The following COL22A1 variants were observed in gnomAD, a reference collection of about 807,000 sequenced individuals.
COL22A1 encodes the protein collagen alpha-1(XXII) chain.
A neutral mutation model predicts 248.9 loss-of-function variants in COL22A1; 221 were observed. That is an observed-to-expected ratio of 0.89 (90% CI 0.80 to 0.99). The LOEUF (loss-of-function observed/expected upper bound fraction) is 0.99. Ranked by LOEUF, COL22A1 falls within the 50% of genes least tolerant of loss-of-function variation. COL22A1 has a pLI of 0.00. For missense variants in COL22A1, 2,240 were observed against 2,179.0 expected (o/e 1.03, Z -0.56); for synonymous variants, 891 against 793.4 (o/e 1.12, Z -2.07).
chr8:138,912,875 G>T (rs1354850438), intron 1 of COL22A1, among the ~76,000 whole-genome samples: 1 of 152,228 alleles, frequency 6.6e-6, no homozygotes, highest in African/African-American at 2.4e-5. Flanking sequence ...TTCTGCAGAT[G>T]GTTGATAAGC....
chr8:138,702,038 A>G (rs1332024131), intron 31 of COL22A1, among the ~76,000 whole-genome samples: 3 of 152,238 alleles, frequency 2.0e-5, no homozygotes, highest in Non-Finnish European at 4.4e-5. Flanking sequence ...TACAATGTAC[A>G]TCCTTATACA....
At chr8:138,686,449 A>T (rs1826360735) in intron 37 of COL22A1, among the ~76,000 whole-genome samples, 2 of 152,188 alleles carry the variant, frequency 1.3e-5, no homozygotes, top group African/African-American at 4.8e-5. Context: ...GATGGAGCAG[A>T]GGTAAGGTAA....
intron 1 of COL22A1, among the ~76,000 whole-genome samples, chr8:138,887,589 G>A (rs1361974767): frequency 6.6e-6 from 1 of 152,104 alleles, no homozygotes; most frequent in African/African-American, 2.4e-5. Flanking sequence ...CACCATTATT[G>A]GCTACCTAGA....
chr8:138,801,364 C>T (rs919725192), intron 11 of COL22A1, among the ~76,000 whole-genome samples: 7 of 152,100 alleles, frequency 4.6e-5, no homozygotes, highest in Non-Finnish European at 8.8e-5. Flanking sequence ...ATAGGATGCA[C>T]GTGCCAAGAG....
chr8:138,879,853 A>AAAAC lies in COL22A1; in HGVS notation c.92-1541_92-1538dup, dbSNP rs747643142. 1.5e-3 allele frequency among the ~76,000 whole-genome samples: 229 copies of AAAAC among 151,980 alleles called. 1 individual carries two copies. The highest frequency in any genetic ancestry group is 2.8e-3 in the Non-Finnish European group (192 of 67,946). On this transcript the variant is annotated intron_variant, in intron 2 of 64. Coordinates refer to ENST00000303045, the MANE Select transcript of COL22A1 (RefSeq NM_152888.3). ...ATTTGGCTATAAAACAAAACAAAAC[A>AAAAC]AAACAAAAAAACACTTTGTTGAAAT...
chr8:138,623,777 T>C lies in COL22A1; in HGVS notation c.3726A>G (p.Glu1242=). ...PSGLPGIPGE[E]GKEGRDGKPG... Reference sequence around the variant, plus strand: ...GCTTTCCATCTCTGCCCTCTTTGCCTTCTTCTCCCTGCAAGAGAAACTCAA... The same window carrying C: ...GCTTTCCATCTCTGCCCTCTTTGCCCTCTTCTCCCTGCAAGAGAAACTCAA... Residue 1242 remains glutamate, a synonymous_variant, in exon 52 of 65, where the codon GAA becomes GAG. Coordinates refer to ENST00000303045, the MANE Select transcript of COL22A1 (RefSeq NM_152888.3). 6.2e-7 allele frequency: 1 copy of C among 1,612,866 alleles called. No homozygotes were observed. The highest frequency in any genetic ancestry group is 1.3e-5 in the African/African-American group (1 of 74,950).
intron 54 of COL22A1, 139 bp from the exon 55 acceptor site, chr8:138,616,193 T>G (rs1371060081): frequency 2.8e-6 from 2 of 726,800 alleles, no homozygotes; most frequent in East Asian, 5.1e-5. Flanking sequence ...GCCCCAGCCC[T>G]GAGTTGAGGT....
rs111699757 is a variant in COL22A1 at position 138,877,723 on chromosome 8, G to T, written c.658+27C>A. ...AGCAGGGGGCGTCACTCTTGGGAGG[G>T]GCCGCATGGGGCCCGGGCGCACTCA... is the stretch of plus-strand genomic sequence containing the variant. On this transcript the variant is annotated intron_variant, in intron 3 of 64. Transcript: ENST00000303045. 1,203 of 1,545,118 alleles carry T rather than the reference G, an allele frequency of 7.8e-4. 7 individuals carry two copies. The African/African-American group carries it at 0.014, about 18-fold the overall frequency.
intron 35 of COL22A1, among the ~76,000 whole-genome samples, chr8:138,693,337 G>A (rs1490941964): frequency 2.6e-5 from 4 of 152,222 alleles, no homozygotes; most frequent in African/African-American, 9.6e-5. Context: ...GGTTGTGCAT[G>A]TAAGCACACT....
chr8:138,742,376 A>AGTGATCGTGATGG (rs1831670214), intron 22 of COL22A1, among the ~76,000 whole-genome samples: 2 of 135,644 alleles, frequency 1.5e-5, no homozygotes, highest in Admixed American at 1.4e-4. Context: ...GATGGTGATG[A>AGTGATCGTGATGG]TGATGGTAGA....
intron 4 of COL22A1, among the ~76,000 whole-genome samples, chr8:138,836,674 C>T (rs964104105): frequency 6.6e-5 from 10 of 152,204 alleles, no homozygotes; most frequent in African/African-American, 2.4e-4. Context: ...CATCTGTAAA[C>T]TGGGATAATG....
At chr8:138,652,203 A>G (rs1822799397) in intron 45 of COL22A1, among the ~76,000 whole-genome samples, 2 of 152,208 alleles carry the variant, frequency 1.3e-5, no homozygotes, top group Admixed American at 1.3e-4. Flanking sequence ...TTGAAACTGG[A>G]TAGGGTTGTG....
chr8:138,600,887 C>A (rs898153567), intron 60 of COL22A1, among the ~76,000 whole-genome samples: 20 of 152,158 alleles, frequency 1.3e-4, no homozygotes, highest in African/African-American at 4.1e-4. Context: ...CTATCTCATG[C>A]ATGGTACAGA....
At chr8:138,677,241 GTTCC>G (rs1029531208) in intron 40 of COL22A1, among the ~76,000 whole-genome samples, 21 of 152,336 alleles carry the variant, frequency 1.4e-4, no homozygotes, top group African/African-American at 4.8e-4. Context: ...AAAGTGATGA[GTTCC>G]TATGCTCTAG....
Position 138,685,312 on chromosome 8 carries a change from C to T in COL22A1, c.2863G>A (p.Gly955Ser). The change falls in exon 38 of 65, where the codon GGT becomes AGT. Residue 955 changes from glycine (G) to serine (S), a missense_variant and splice_region_variant. Physicochemically the swap from Gly to Ser is moderately conservative, Grantham distance 56. Transcript: ENST00000303045. Reference protein sequence around the residue: ...PGKDGERGEKGAAGEEGSPGP... With the variant: ...PGKDGERGEKSAAGEEGSPGP... ...GGGCTGCCTTCTTCCCCCGCTGCAC[C>T]CTGGAAAGAAAAGTAGACATTTCCC... is the stretch of plus-strand genomic sequence containing the variant. 6.2e-7 allele frequency: 1 copy of T among 1,613,108 alleles called. No homozygotes were observed. The highest frequency in any genetic ancestry group is 1.1e-5 in the South Asian group (1 of 90,928).
At chr8:138,729,460 G>C (rs1004105214) in intron 23 of COL22A1, among the ~76,000 whole-genome samples, 9 of 152,166 alleles carry the variant, frequency 5.9e-5, no homozygotes, top group African/African-American at 1.9e-4. Context: ...GTCACTGTCT[G>C]CTTGTTTGAT....
At position 138,722,035 on chromosome 8, in the gene COL22A1, C is replaced by T; in HGVS notation, c.2301+1G>A. 6.4e-7 allele frequency: 1 copy of T among 1,573,064 alleles called. No homozygotes were observed. On this transcript the variant is annotated splice_donor_variant, in intron 26 of 64. Coordinates refer to ENST00000303045, the MANE Select transcript of COL22A1 (RefSeq NM_152888.3). LOFTEE classifies it high-confidence loss of function. ...TGGTGCCAACCGCATCAGTGACCAACCTTGGTTCCTGGCGGACCTGGTGGT... is the reference window on the plus strand; with the variant it reads ...TGGTGCCAACCGCATCAGTGACCAATCTTGGTTCCTGGCGGACCTGGTGGT...
At chr8:138,718,229 A>G (rs559310802) in intron 27 of COL22A1, among the ~76,000 whole-genome samples, 2 of 152,280 alleles carry the variant, frequency 1.3e-5, no homozygotes, top group African/African-American at 4.8e-5. Context: ...TTCTAGACAC[A>G]CTCCGATGCT....
chr8:138,751,264 A>G (rs541074926), intron 22 of COL22A1, among the ~76,000 whole-genome samples, 194 bp downstream of exon 22: 1 of 152,326 alleles, frequency 6.6e-6, no homozygotes, highest in South Asian at 2.1e-4. Flanking sequence ...CATGTCCCTG[A>G]AGCCCAACTC....
Sources: allele counts gnomAD v4.1 joint callset (sites outside exome capture counted in the v4.1 genomes callset), GRCh38; gene constraint gnomAD v4.1.1; transcripts MANE v1.5; gene names NCBI Gene and HGNC (gene_info 2026-07-23, HGNC 2026-07-21).